Variants in VPS8 observed in about 807,000 individuals in gnomAD.
VPS8 encodes vacuolar protein sorting-associated protein 8 homolog.
A neutral mutation model predicts 216.4 loss-of-function variants in VPS8; 129 were observed. The observed-to-expected ratio is 0.60, with a 90% CI of 0.52 to 0.69. The LOEUF is 0.69. Ranked by LOEUF, VPS8 falls within the 30% of genes least tolerant of loss-of-function variation. The pLI is 0.00. For missense variants in VPS8, 1,531 were observed against 1,683.5 expected (o/e 0.91, Z 1.59); for synonymous variants, 571 against 565.4 (o/e 1.01, Z -0.14).
intron 40 of VPS8, among the ~76,000 whole-genome samples, chr3:184,974,093 A>C (rs1333275536): frequency 6.6e-6 from 1 of 152,134 alleles, no homozygotes; most frequent in African/African-American, 2.4e-5. Flanking sequence ...ATTATATTGT[A>C]GTTCTGTTTT....
At chr3:184,943,944 A>G (rs1211862474) in intron 36 of VPS8, among the ~76,000 whole-genome samples, 1 of 126,538 alleles carries the variant, frequency 7.9e-6, no homozygotes, top group Admixed American at 7.5e-5. Flanking sequence ...TTTACTAAAA[A>G]TACAAAAATT....
intron 26 of VPS8, among the ~76,000 whole-genome samples, chr3:184,914,443 A>G (rs1363821305): frequency 6.6e-6 from 1 of 152,244 alleles, no homozygotes; most frequent in African/African-American, 2.4e-5. Context: ...GTCTTTAGCC[A>G]TGAAGAAGGT....
intron 36 of VPS8, among the ~76,000 whole-genome samples, chr3:184,944,863 G>A (rs1208167608): frequency 6.6e-6 from 1 of 152,114 alleles, no homozygotes; most frequent in Admixed American, 6.6e-5. Flanking sequence ...TGTCAGTGTT[G>A]CTGTGGATAT....
At chr3:184,902,701 G>A (rs897914587) in intron 25 of VPS8, among the ~76,000 whole-genome samples, 14 of 151,196 alleles carry the variant, frequency 9.3e-5, no homozygotes, top group South Asian at 2.1e-4. Flanking sequence ...GTGGTGGCGC[G>A]TGCCTGTAGT....
At chr3:184,854,034 C>T (rs1333111435) in intron 12 of VPS8, 24 bp downstream of exon 12, 2 of 1,612,764 alleles carry the variant, frequency 1.2e-6, no homozygotes, top group Non-Finnish European at 1.7e-6. Context: ...GAAGTTAAAA[C>T]TCAGAACTTT....
chr3:184,898,751 A>G lies in VPS8; in HGVS notation c.2094+97A>G, dbSNP rs1051553643. 1.6e-5 allele frequency: 16 copies of G among 973,238 alleles called. No homozygotes were observed. The East Asian group carries it at 3.1e-4, about 19-fold the overall frequency. The allele number at this position is 973,238 out of a possible 1,614,324, so 60.3% of individuals were successfully genotyped here. A position where few individuals can be genotyped will look rare whatever the true frequency, so the allele number is the denominator to read the frequency against. On this transcript the variant is annotated intron_variant, in intron 24 of 47. Coordinates refer to ENST00000625842, the MANE Select transcript of VPS8 (RefSeq NM_001009921.3). ...TTTTAATAGTTTCTAGTTTTATCCA[A>G]TTATTTAAAAATTCTTATATATTTA...
intron 16 of VPS8, among the ~76,000 whole-genome samples, chr3:184,864,015 G>T (rs1227948167): frequency 6.6e-6 from 1 of 151,950 alleles, no homozygotes; most frequent in Admixed American, 6.6e-5. Flanking sequence ...TTATTTTCTT[G>T]TGTTTGAATG....
At chr3:184,823,534 G>C (rs527279253) in intron 1 of VPS8, among the ~76,000 whole-genome samples, 3 of 152,284 alleles carry the variant, frequency 2.0e-5, no homozygotes, top group Admixed American at 2.0e-4. Flanking sequence ...TTTGCACTGA[G>C]AGTTTTGCCA....
intron 34 of VPS8, among the ~76,000 whole-genome samples, chr3:184,933,051 A>G (rs1196475638): frequency 6.6e-6 from 1 of 152,138 alleles, no homozygotes; most frequent in African/African-American, 2.4e-5. Context: ...TCCACCTCAG[A>G]CCTCCTGAAT....
intron 25 of VPS8, among the ~76,000 whole-genome samples, chr3:184,910,012 G>A (rs576834957): frequency 6.6e-6 from 1 of 152,068 alleles, no homozygotes; most frequent in East Asian, 1.9e-4. Context: ...GTCATTTCTG[G>A]ATGGCTGATC....
At chr3:184,950,216 C>CTTTTTTTTTTTTTTTTTTTTTTT (rs10700220) in intron 36 of VPS8, among the ~76,000 whole-genome samples, 1 of 39,928 alleles carries the variant, frequency 2.5e-5, no homozygotes, top group Non-Finnish European at 4.1e-5. Context: ...CAGTTTTCTG[C>CTTTTTTTTTTTTTTTTTTTTTTT]TTTTTTTTTT....
At chr3:184,971,474 A>G (rs1329569609) in intron 39 of VPS8, among the ~76,000 whole-genome samples, 175 bp from the exon 40 acceptor site, 1 of 152,210 alleles carries the variant, frequency 6.6e-6, no homozygotes, top group Admixed American at 6.5e-5. Context: ...GGAAACTCTT[A>G]TTTCACGGAA....
chr3:184,992,601 G>T (rs1024164557), intron 42 of VPS8, among the ~76,000 whole-genome samples: 1 of 151,584 alleles, frequency 6.6e-6, no homozygotes, highest in Non-Finnish European at 1.5e-5. Context: ...AACATAAACT[G>T]CTTAGTACTG....
At chr3:184,897,482 T>G (rs1405465247) in intron 23 of VPS8, among the ~76,000 whole-genome samples, 1 of 152,094 alleles carries the variant, frequency 6.6e-6, no homozygotes, top group East Asian at 1.9e-4. Context: ...GCCATTTTAT[T>G]TTGAGATCAC....
intron 2 of VPS8, 55 bp downstream of exon 2, chr3:184,824,840 A>G (rs1718379457): frequency 1.3e-6 from 2 of 1,496,962 alleles, no homozygotes; most frequent in South Asian, 1.2e-5. Flanking sequence ...AGATTAGAGT[A>G]TGCTTTGTGA....
At chr3:184,999,548 A>G (rs1045691002) in intron 44 of VPS8, 148 bp from the exon 45 acceptor site, 3 of 924,450 alleles carry the variant, frequency 3.2e-6, no homozygotes, top group Non-Finnish European at 4.8e-6. Flanking sequence ...AGCAGCAAGT[A>G]CATTCCCTTT....
At chr3:184,850,078 T>C in intron 10 of VPS8, 56 bp downstream of exon 10, 2 of 1,450,514 alleles carry the variant, frequency 1.4e-6, no homozygotes, top group Non-Finnish European at 1.9e-6. Context: ...TTGTGTTTAT[T>C]TTAAAGTAAA....
chr3:184,875,795 T>C (rs971833114), intron 21 of VPS8, among the ~76,000 whole-genome samples: 4 of 143,948 alleles, frequency 2.8e-5, no homozygotes, highest in African/African-American at 1.0e-4. Flanking sequence ...GAGACAGCCT[T>C]GGCAACATAG....
At chr3:184,887,069 G>A (rs1352399149) in intron 22 of VPS8, among the ~76,000 whole-genome samples, 3 of 152,324 alleles carry the variant, frequency 2.0e-5, no homozygotes, top group South Asian at 4.1e-4. Flanking sequence ...CTGGCTGGAC[G>A]TGCTGGCTTA....
Sources: allele counts gnomAD v4.1 joint callset (sites outside exome capture counted in the v4.1 genomes callset), GRCh38; gene constraint gnomAD v4.1.1; transcripts MANE v1.5; gene names NCBI Gene and HGNC (gene_info 2026-07-23, HGNC 2026-07-21).